MID2: variants seen among roughly 807,000 people sequenced by gnomAD.
The protein encoded by MID2 is midline 2.
Under a neutral mutation model 46.1 loss-of-function variants are expected in MID2, and 13 were observed. The observed-to-expected ratio is 0.28, with a 90% CI of 0.18 to 0.45. The LOEUF (loss-of-function observed/expected upper bound fraction) is 0.45, where lower values mean the gene tolerates loss of function less well. Among genes scored for constraint, MID2 ranks in the 20% least tolerant of loss-of-function variants. The pLI, the probability that MID2 is intolerant of heterozygous loss-of-function variation, is 1.00. For missense variants in MID2, 431 were observed against 575.4 expected, an observed-to-expected ratio of 0.75 and a Z score of 2.57; for synonymous variants, 199 against 212.3, an observed-to-expected ratio of 0.94 and a Z score of 0.55.
At chrX:107,909,018 G>C (rs1932861077) in intron 5 of MID2, among the ~76,000 whole-genome samples, 2 of 111,657 alleles carry the variant, frequency 1.8e-5, no homozygotes, top group Admixed American at 1.9e-4. Context: ...ATTATGGATT[G>C]TATTTTCTTG....
intron 3 of MID2, among the ~76,000 whole-genome samples, chrX:107,883,453 A>G (rs1265205804): frequency 8.9e-6 from 1 of 112,200 alleles, no homozygotes; most frequent in Non-Finnish European, 1.9e-5. Context: ...GGGCTTCATC[A>G]TATTCTCTAG....
At chrX:107,886,644 T>C (rs1350959613) in intron 3 of MID2, among the ~76,000 whole-genome samples, 1 of 112,172 alleles carries the variant, frequency 8.9e-6, no homozygotes, top group Non-Finnish European at 1.9e-5. Context: ...AAGTAGTTTT[T>C]TCCAATTCTG....
intron 5 of MID2, among the ~76,000 whole-genome samples, chrX:107,913,540 T>A (rs1396973906): frequency 1.8e-5 from 2 of 112,577 alleles, no homozygotes; most frequent in Admixed American, 9.4e-5. Context: ...GTAGGCATTA[T>A]TGACTATAGG....
At chrX:107,893,753 T>C (rs984300531) in intron 3 of MID2, among the ~76,000 whole-genome samples, 34 of 112,555 alleles carry the variant, frequency 3.0e-4, no homozygotes, top group African/African-American at 1.1e-3. Context: ...GAACCTCATT[T>C]TATTCATCTA....
chrX:107,833,411 T>TATA (rs1569461187), intron 1 of MID2, among the ~76,000 whole-genome samples: 4 of 93,948 alleles, frequency 4.3e-5, no homozygotes, highest in African/African-American at 2.1e-4. Flanking sequence ...AATGTTTATT[T>TATA]TATATATATA....
intron 5 of MID2, among the ~76,000 whole-genome samples, chrX:107,913,869 AC>A (rs1222247954): frequency 2.7e-5 from 3 of 111,567 alleles, no homozygotes; most frequent in Non-Finnish European, 5.6e-5. Flanking sequence ...ATGCTTAGTG[AC>A]CCCCATCGTT....
chrX:107,899,515 A>G (rs1396519698), intron 3 of MID2, among the ~76,000 whole-genome samples: 3 of 111,080 alleles, frequency 2.7e-5, no homozygotes, highest in Non-Finnish European at 5.7e-5. Flanking sequence ...TATGCAAGTC[A>G]AATTTTTGCT....
At chrX:107,911,711 G>A (rs1234823462) in intron 5 of MID2, among the ~76,000 whole-genome samples, 1 of 111,846 alleles carries the variant, frequency 8.9e-6, no homozygotes, top group Non-Finnish European at 1.9e-5. Flanking sequence ...AACTCTGAGT[G>A]GATGGGAATA....
At position 107,911,276 on chromosome X, in the gene MID2, T is replaced by G. The variant is rs774772442; in HGVS notation, c.1074-4726T>G. ...TATTTGCTAATAATTTCCTCCCCTT[T>G]ATTCTTTCTCTTCTTTGTTTATGGG... is the stretch of plus-strand genomic sequence containing the variant. On this transcript the variant is annotated intron_variant, in intron 5 of 9. Coordinates refer to ENST00000262843, the MANE Select transcript of MID2 (RefSeq NM_012216.4). Among the ~76,000 whole-genome samples the G allele has an allele frequency of 2.7e-5, 3 of 111,786 alleles. No individual in the cohort carries two copies. The East Asian group carries it at 8.5e-4, about 32-fold the overall frequency.
intron 3 of MID2, among the ~76,000 whole-genome samples, chrX:107,874,020 C>G (rs914512120): frequency 9.0e-6 from 1 of 111,667 alleles, no homozygotes; most frequent in Non-Finnish European, 1.9e-5. Context: ...TAGAGAGACA[C>G]ACTCTCAACA....
chrX:107,836,573 A>G (rs1169488751), intron 1 of MID2, among the ~76,000 whole-genome samples: 2 of 109,988 alleles, frequency 1.8e-5, no homozygotes, highest in East Asian at 5.6e-4. Context: ...TTTTTAAATA[A>G]TGATAATACC....
chrX:107,854,508 A>G (rs1931698976), intron 2 of MID2, 101 bp from the exon 3 acceptor site: 3 of 573,722 alleles, frequency 5.2e-6, no homozygotes, highest in Non-Finnish European at 8.9e-6. Flanking sequence ...ACATTTGTCT[A>G]CTGACTAACC....
intron 1 of MID2, among the ~76,000 whole-genome samples, chrX:107,834,580 C>T (rs901575170): frequency 8.9e-6 from 1 of 111,791 alleles, no homozygotes; most frequent in Non-Finnish European, 1.9e-5. Context: ...AAAAGTATTT[C>T]ATGATAATAG....
chrX:107,871,822 C>T (rs770346847), intron 3 of MID2, among the ~76,000 whole-genome samples: 8 of 111,467 alleles, frequency 7.2e-5, no homozygotes, highest in Non-Finnish European at 1.1e-4. Flanking sequence ...TGTCCAGCTG[C>T]TTCTCCTCTT....
At chrX:107,832,884 A>G (rs139448252) in intron 1 of MID2, among the ~76,000 whole-genome samples, 1,317 of 111,226 alleles carry the variant, frequency 0.012, 17 homozygotes, top group African/African-American at 0.04. Context: ...TTCTTTTCTA[A>G]TCATGGTGTT....
intron 3 of MID2, among the ~76,000 whole-genome samples, chrX:107,898,738 A>G (rs1257372364): frequency 1.8e-5 from 2 of 111,798 alleles, no homozygotes; most frequent in Non-Finnish European, 3.8e-5. Context: ...TGTTTGTTGA[A>G]ATAAAAACTT....
At chrX:107,891,445 T>C (rs1393836080) in intron 3 of MID2, among the ~76,000 whole-genome samples, 1 of 109,530 alleles carries the variant, frequency 9.1e-6, no homozygotes, top group African/African-American at 3.3e-5. Context: ...CATGCCTGGC[T>C]ATTTTTTGTA....
At chrX:107,870,683 T>C (rs781089687) in intron 3 of MID2, among the ~76,000 whole-genome samples, 10 of 110,751 alleles carry the variant, frequency 9.0e-5, no homozygotes, top group South Asian at 7.7e-4. Context: ...TGTCTATACA[T>C]TGGTAGCTTA....
chrX:107,833,438 A>T (rs1156259096), intron 1 of MID2, among the ~76,000 whole-genome samples: 5 of 100,953 alleles, frequency 5.0e-5, no homozygotes, highest in African/African-American at 1.6e-4. Flanking sequence ...TATTTTTTTT[A>T]AAAACCTACA....
Sources: allele counts gnomAD v4.1 joint callset (sites outside exome capture counted in the v4.1 genomes callset), GRCh38; gene constraint gnomAD v4.1.1; transcripts MANE v1.5; gene names NCBI Gene and HGNC (gene_info 2026-07-23, HGNC 2026-07-21).